The following CEP128 variants were observed in gnomAD, a reference collection of about 807,000 sequenced individuals.
CEP128 encodes centrosomal protein 128, also known as centrosomal protein 128kDa.
In CEP128, 132 loss-of-function variants were observed where a neutral mutation model predicts 156.7. The ratio of observed to expected loss-of-function variants is 0.84; its 90% CI spans 0.73 to 0.97. The LOEUF (loss-of-function observed/expected upper bound fraction) is 0.97, where lower values mean the gene tolerates loss of function less well. CEP128 is among the 50% of genes least tolerant of loss of function. The pLI is 0.00. For missense variants in CEP128, 1,252 were observed against 1,281.9 expected (o/e 0.98, Z 0.36); for synonymous variants, 469 against 448.9 (o/e 1.04, Z -0.57).
intron 21 of CEP128, among the ~76,000 whole-genome samples, chr14:80,536,704 A>G (rs562116791): frequency 1.3e-5 from 2 of 152,296 alleles, no homozygotes; most frequent in South Asian, 4.1e-4. Context: ...CAAACTGTAT[A>G]AGACACTCAC....
chr14:80,860,283 A>G (rs1296904658), intron 9 of CEP128, among the ~76,000 whole-genome samples: 1 of 152,202 alleles, frequency 6.6e-6, no homozygotes. Context: ...GTCACTGCTT[A>G]TATTAAAGTA....
At chr14:80,478,952 T>C (rs1886998294) in intron 14 of CEP128, among the ~76,000 whole-genome samples, 1 of 152,160 alleles carries the variant, frequency 6.6e-6, no homozygotes, top group Non-Finnish European at 1.5e-5. Context: ...TAAATAGAGA[T>C]AGAACCTCAG....
intron 19 of CEP128, among the ~76,000 whole-genome samples, chr14:80,689,417 G>A (rs1264515908): frequency 1.3e-5 from 2 of 151,974 alleles, no homozygotes; most frequent in African/African-American, 2.4e-5. Context: ...AATTGAGAAC[G>A]TGAACCTAAA....
intron 2 of CEP128, among the ~76,000 whole-genome samples, chr14:80,927,941 C>A (rs1005408377): frequency 6.6e-6 from 1 of 152,168 alleles, no homozygotes; most frequent in African/African-American, 2.4e-5. Flanking sequence ...AACCTGCTCA[C>A]ACACCCAGCA....
intron 8 of CEP128, among the ~76,000 whole-genome samples, chr14:80,892,562 A>T (rs1566698059): frequency 6.6e-6 from 1 of 152,020 alleles, no homozygotes; most frequent in Non-Finnish European, 1.5e-5. Context: ...ACTACTTCAA[A>T]CTAAAAAGGC....
chr14:80,925,445 A>G (rs1885094013), intron 2 of CEP128, among the ~76,000 whole-genome samples: 1 of 152,232 alleles, frequency 6.6e-6, no homozygotes, highest in South Asian at 2.1e-4. Context: ...AGAATTTCCC[A>G]GTAATCAATG....
At chr14:80,571,137 G>A (rs1891123146) in intron 20 of CEP128, among the ~76,000 whole-genome samples, 1 of 152,170 alleles carries the variant, frequency 6.6e-6, no homozygotes, top group Admixed American at 6.5e-5. Flanking sequence ...TTAATTAGCT[G>A]TAATATTGTG....
At chr14:80,519,393 T>C (rs1386956102) in intron 23 of CEP128, among the ~76,000 whole-genome samples, 2 of 152,252 alleles carry the variant, frequency 1.3e-5, no homozygotes, top group Admixed American at 1.3e-4. Context: ...CTCTCTGGAA[T>C]ATTATAAGTT....
intron 19 of CEP128, among the ~76,000 whole-genome samples, chr14:80,595,720 C>T (rs59152876): frequency 0.16 from 24,547 of 152,160 alleles, 2,292 homozygotes; most frequent in East Asian, 0.2. Context: ...CTAATAAATA[C>T]ATACCTGAGA....
intron 13 of CEP128, among the ~76,000 whole-genome samples, chr14:80,824,480 C>A (rs1302020802): frequency 6.6e-6 from 1 of 152,160 alleles, no homozygotes; most frequent in African/African-American, 2.4e-5. Flanking sequence ...TTTAACAGCA[C>A]CCAAGTCACC....
intron 10 of CEP128, among the ~76,000 whole-genome samples, chr14:80,839,504 A>AACACAC (rs367547508): frequency 2.0e-5 from 3 of 150,550 alleles, no homozygotes; most frequent in Non-Finnish European, 4.5e-5. Context: ...ACTTCACACA[A>AACACAC]ACACACACAC....
At chr14:80,807,940 G>C (rs1884277364) in intron 13 of CEP128, among the ~76,000 whole-genome samples, 1 of 152,148 alleles carries the variant, frequency 6.6e-6, no homozygotes. Context: ...AGGGTCCCTA[G>C]TACTCTAGCA....
At chr14:80,618,019 A>G (rs1893301007) in intron 19 of CEP128, among the ~76,000 whole-genome samples, 1 of 152,206 alleles carries the variant, frequency 6.6e-6, no homozygotes, top group African/African-American at 2.4e-5. Context: ...ATTTAATTAG[A>G]TAATGCACGT....
intron 9 of CEP128, among the ~76,000 whole-genome samples, chr14:80,850,097 T>G (rs1296393958): frequency 6.6e-6 from 1 of 152,042 alleles, no homozygotes; most frequent in Non-Finnish European, 1.5e-5. Context: ...CCTGTAATCC[T>G]GAAGAGGAAG....
chr14:80,650,777 C>A (rs1395213668), intron 19 of CEP128, among the ~76,000 whole-genome samples: 1 of 152,130 alleles, frequency 6.6e-6, no homozygotes, highest in East Asian at 1.9e-4. Context: ...CCTGCTTGAT[C>A]ATGGTGGATA....
chr14:80,683,570 C>CA (rs1896407139), intron 19 of CEP128, among the ~76,000 whole-genome samples: 1 of 152,046 alleles, frequency 6.6e-6, no homozygotes, highest in Non-Finnish European at 1.5e-5. Context: ...ATCATCAAAG[C>CA]AAAAAACTAA....
chr14:80,718,296 AC>A (rs796399846), intron 19 of CEP128, among the ~76,000 whole-genome samples: 9 of 152,342 alleles, frequency 5.9e-5, no homozygotes, highest in African/African-American at 2.2e-4. Context: ...TATATACATC[AC>A]ATTTCATCTT....
intron 4 of CEP128, among the ~76,000 whole-genome samples, chr14:80,908,000 T>A (rs1474523680): frequency 6.6e-6 from 1 of 152,200 alleles, no homozygotes; most frequent in Non-Finnish European, 1.5e-5. Flanking sequence ...TATTTCCATC[T>A]TTCAAGCTAA....
At position 80,909,958 on chromosome 14, in the gene CEP128, ATGT is replaced by A. The variant is rs577956550; in HGVS notation, c.235-3880_235-3878del. On this transcript the variant is annotated intron_variant, in intron 4 of 24. Coordinates refer to ENST00000555265, the MANE Select transcript of CEP128 (RefSeq NM_152446.5). ...AATCTAACATTTTCTATGATGGATG[ATGT>A]TATTTTCCTAAAACTAATCAATCTT... Among the ~76,000 whole-genome samples, 27 of 152,318 alleles carry A rather than the reference ATGT, an allele frequency of 1.8e-4. No individual in the cohort carries two copies. The South Asian group carries it at 5.2e-3, about 29-fold the overall frequency.
Sources: allele counts gnomAD v4.1 joint callset (sites outside exome capture counted in the v4.1 genomes callset), GRCh38; gene constraint gnomAD v4.1.1; transcripts MANE v1.5; gene names NCBI Gene and HGNC (gene_info 2026-07-23, HGNC 2026-07-21).